DBF4B: variants seen among roughly 807,000 people sequenced by gnomAD.
The protein encoded by DBF4B is DBF4B-CDC7 kinase regulatory subunit, also known as protein DBF4 homolog B.
DBF4B carries 49 observed loss-of-function variants against 53.4 expected under a neutral mutation model. The ratio of observed to expected loss-of-function variants is 0.92; its 90% CI spans 0.73 to 1.16. The LOEUF is 1.16. Among genes scored for constraint, DBF4B ranks in the 50% most tolerant of loss-of-function variants. The probability of loss-of-function intolerance (pLI) is 0.00; values close to 1 mark genes in which losing one functional copy is unlikely to be tolerated. For synonymous variants in DBF4B, 257 were observed against 288.7 expected (o/e 0.89, Z 1.11); for missense variants, 692 against 775.0 (o/e 0.89, Z 1.27).
At chr17:44,732,753 CT>C (rs1974956321) in intron 6 of DBF4B, 1 of 153,862 alleles carries the variant, frequency 6.5e-6, no homozygotes, top group African/African-American at 2.4e-5. Flanking sequence ...GTAATCCCAG[CT>C]ACTCAGGAGG....
chr17:44,743,908 T>G (rs1289300085), intron 10 of DBF4B, among the ~76,000 whole-genome samples: 1 of 151,708 alleles, frequency 6.6e-6, no homozygotes, highest in Non-Finnish European at 1.5e-5. Context: ...ACACCCAGCC[T>G]ATATGATTCT....
At position 44,750,809 on chromosome 17, in the gene DBF4B, G is replaced by T. The variant is rs778743718; in HGVS notation, c.1404G>T (p.Ser468=). ...TGGCTCTGCTGCCTGGGGAGTGGTC[G>T]CCTGCAGAGGACATGCCCCTCCATC... ...TSLALLPGEW[S]PAEDMPLHPS... is the part of the protein sequence containing the mutation. Residue 468 remains serine, a synonymous_variant, in exon 14 of 14, where the codon TCG becomes TCT. Transcript: ENST00000315005. The T allele has an allele frequency of 3.0e-5, 48 of 1,614,084 alleles. No homozygotes were observed. In the South Asian group the frequency reaches 4.6e-4, roughly 16 times the overall value.
At chr17:44,737,155 G>A (rs573681141) in intron 8 of DBF4B, among the ~76,000 whole-genome samples, 15 of 152,300 alleles carry the variant, frequency 9.8e-5, no homozygotes, top group South Asian at 6.2e-4. Context: ...ATCGATTGAG[G>A]TTCAGCATCC....
At chr17:44,733,749 A>C (rs1425503200) in intron 6 of DBF4B, 2 of 258,558 alleles carry the variant, frequency 7.7e-6, no homozygotes. Context: ...GGTACAGCTG[A>C]GTAGTTCACA....
intron 3 of DBF4B, among the ~76,000 whole-genome samples, chr17:44,725,054 TG>T (rs1354962360): frequency 4.3e-5 from 6 of 139,814 alleles, no homozygotes; most frequent in African/African-American, 1.6e-4. Flanking sequence ...TGGCAGAGGT[TG>T]CGGTGAGTCG....
intron 3 of DBF4B, among the ~76,000 whole-genome samples, chr17:44,727,708 T>G (rs1164169773): frequency 1.3e-5 from 2 of 152,150 alleles, no homozygotes; most frequent in Non-Finnish European, 2.9e-5. Flanking sequence ...ATTTATTTAT[T>G]TATTTTTAGA....
intron 6 of DBF4B, chr17:44,732,480 G>A (rs1974927112): frequency 8.8e-6 from 5 of 565,354 alleles, no homozygotes; most frequent in Non-Finnish European, 1.3e-5. Flanking sequence ...TCCCGCAGGA[G>A]GTCCCTAGAA....
chr17:44,741,279 C>G, intron 9 of DBF4B, 57 bp from the exon 10 acceptor site: 4 of 1,298,048 alleles, frequency 3.1e-6, no homozygotes, highest in Non-Finnish European at 3.4e-6. Context: ...GGCGAGGCCC[C>G]CTCCTCAGCC....
chr17:44,745,140 C>T (rs776964780), intron 10 of DBF4B, among the ~76,000 whole-genome samples: 12 of 152,070 alleles, frequency 7.9e-5, no homozygotes, highest in Non-Finnish European at 1.3e-4. Context: ...CCATGTTGCC[C>T]AGGCTGGTCT....
At chr17:44,743,022 G>GA (rs553158194) in intron 10 of DBF4B, among the ~76,000 whole-genome samples, 49 of 152,288 alleles carry the variant, frequency 3.2e-4, no homozygotes, top group African/African-American at 1.2e-3. Context: ...AAATAGGAGG[G>GA]AAAAAATTAA....
At chr17:44,743,793 T>G (rs1976317479) in intron 10 of DBF4B, among the ~76,000 whole-genome samples, 1 of 151,666 alleles carries the variant, frequency 6.6e-6, no homozygotes, top group Admixed American at 6.6e-5. Context: ...GTGTTTTTAG[T>G]ACAGATGGGG....
intron 12 of DBF4B, among the ~76,000 whole-genome samples, chr17:44,748,038 C>T (rs1042199744): frequency 2.6e-5 from 4 of 152,202 alleles, no homozygotes; most frequent in East Asian, 1.9e-4. Context: ...CCAGGCACTG[C>T]GCTGCTTTCT....
chr17:44,741,967 C>T (rs1976076406), intron 10 of DBF4B, among the ~76,000 whole-genome samples: 2 of 152,186 alleles, frequency 1.3e-5, no homozygotes. Flanking sequence ...CAAGTTCTAG[C>T]TGGGCACAGT....
At position 44,734,163 on chromosome 17, in the gene DBF4B, G is replaced by A. The variant is rs371803692; in HGVS notation, c.630G>A (p.Glu210=). The part of the protein sequence containing the change: ...CVKKQQPKKP[E]GTCPAAESRT... Reference sequence around the variant, plus strand: ...AAAAACAACAGCCAAAGAAGCCAGAGGTAGGTCATCCTGCTGAACTGAAGG... The same window carrying A: ...AAAAACAACAGCCAAAGAAGCCAGAAGTAGGTCATCCTGCTGAACTGAAGG... The change falls in exon 7 of 14, where the codon GAG becomes GAA. Residue 210 remains glutamate (E), a splice_region_variant and synonymous_variant. Transcript: ENST00000315005. 6 of 1,614,044 alleles carry A rather than the reference G, an allele frequency of 3.7e-6. No homozygotes were observed. The highest frequency in any genetic ancestry group is 1.3e-5 in the African/African-American group (1 of 74,938).
chr17:44,714,009 A>G (rs1288726954), intron 2 of DBF4B, among the ~76,000 whole-genome samples: 1 of 152,126 alleles, frequency 6.6e-6, no homozygotes, highest in Admixed American at 6.6e-5. Flanking sequence ...AAGGAACAAA[A>G]TAAGTTCTGC....
intron 2 of DBF4B, among the ~76,000 whole-genome samples, chr17:44,722,221 A>G (rs1973912982): frequency 6.6e-6 from 1 of 151,312 alleles, no homozygotes; most frequent in Admixed American, 6.6e-5. Context: ...TTGCAGCAGC[A>G]TTCTGTGCTC....
At chr17:44,710,417 A>G (rs1418114171) in intron 2 of DBF4B, among the ~76,000 whole-genome samples, 2 of 151,550 alleles carry the variant, frequency 1.3e-5, no homozygotes, top group Non-Finnish European at 2.9e-5. Flanking sequence ...ATTTAAGTCA[A>G]TTTTTTTTCC....
chr17:44,710,722 C>T (rs970525096), intron 2 of DBF4B, among the ~76,000 whole-genome samples: 5 of 151,826 alleles, frequency 3.3e-5, no homozygotes, highest in East Asian at 3.9e-4. Flanking sequence ...CTCAACACCA[C>T]GCCCAGCTAA....
At position 44,749,519 on chromosome 17, in the gene DBF4B, C is replaced by T; in HGVS notation, c.1189+1054C>T. 1 of 1,251,036 alleles carries T rather than the reference C, an allele frequency of 8.0e-7. No homozygotes were observed. Among genetic ancestry groups the T allele is most frequent in the Non-Finnish European group, 1.0e-6 (1 of 968,886 alleles). 77.5% of individuals were successfully genotyped at this position (1,251,036 alleles called of 1,614,324 possible). ...TCCAGCAAGCAGCTGTCACGCTCAG[C>T]TCCATGGAGCTGACAGAGCCACCCC... On this transcript the variant is annotated intron_variant, in intron 13 of 13. Transcript: ENST00000315005. The surrounding 1 kb of genome is among the most constrained non-coding windows in gnomAD (Gnocchi z 4.4).
Sources: allele counts gnomAD v4.1 joint callset (sites outside exome capture counted in the v4.1 genomes callset), GRCh38; gene constraint gnomAD v4.1.1; non-coding constraint Gnocchi (gnomAD v3.1); transcripts MANE v1.5; gene names NCBI Gene and HGNC (gene_info 2026-07-23, HGNC 2026-07-21).